Variants in SPECC1L observed in about 807,000 individuals in gnomAD.
SPECC1L encodes sperm antigen with calponin homology and coiled-coil domains 1 like.
A neutral mutation model predicts 116.8 loss-of-function variants in SPECC1L; 40 were observed. The observed-to-expected ratio is 0.34, with a 90% CI of 0.27 to 0.45. The LOEUF (loss-of-function observed/expected upper bound fraction) is 0.45, where lower values mean the gene tolerates loss of function less well. Ranked by LOEUF, SPECC1L falls within the 20% of genes least tolerant of loss-of-function variation. The pLI is 1.00. For synonymous variants in SPECC1L, 504 were observed against 500.6 expected (o/e 1.01, Z -0.09); for missense variants, 1,110 against 1,373.6 (o/e 0.81, Z 3.03).
At chr22:24,391,144 G>A (rs1363851605) in intron 14 of SPECC1L, among the ~76,000 whole-genome samples, 2 of 151,772 alleles carry the variant, frequency 1.3e-5, no homozygotes, top group African/African-American at 4.8e-5. Flanking sequence ...CAAAGTGCTG[G>A]GATTACGGGT....
intron 12 of SPECC1L, among the ~76,000 whole-genome samples, chr22:24,363,651 T>C (rs1461886337): frequency 6.6e-6 from 1 of 152,230 alleles, no homozygotes; most frequent in Non-Finnish European, 1.5e-5. Context: ...TATAAAGTTC[T>C]GAGAGGTTTT....
chr22:24,305,453 C>A (rs2049473595), intron 3 of SPECC1L, among the ~76,000 whole-genome samples: 1 of 152,132 alleles, frequency 6.6e-6, no homozygotes, highest in Non-Finnish European at 1.5e-5. Context: ...TTATGTGTGT[C>A]TGGTTTCTTA....
At chr22:24,329,302 C>T (rs2040891458) in intron 7 of SPECC1L, among the ~76,000 whole-genome samples, 2 of 152,160 alleles carry the variant, frequency 1.3e-5, no homozygotes, top group Admixed American at 1.3e-4. Context: ...AATCTTAAAT[C>T]TGAAATGCTT....
At chr22:24,377,609 G>A (rs189465092) in intron 14 of SPECC1L, among the ~76,000 whole-genome samples, 1 of 152,244 alleles carries the variant, frequency 6.6e-6, no homozygotes, top group East Asian at 1.9e-4. Flanking sequence ...GGCTTGAAGA[G>A]GCAAGACCCC....
rs536506647 is a variant in SPECC1L at position 24,394,719 on chromosome 22, CG to C, written c.3088-16867del. Among the ~76,000 whole-genome samples, 13 of 152,310 alleles carry C rather than the reference CG, an allele frequency of 8.5e-5. No homozygotes were observed. In the East Asian group the frequency reaches 2.5e-3, roughly 29 times the overall value. ...ACCATGTGGTCAGCCTCTAGACATT[CG>C]GAACGTGTAGTGCTGTTTCCTGGTT... On this transcript the variant is annotated intron_variant, in intron 14 of 16. Transcript: ENST00000314328.
intron 14 of SPECC1L, among the ~76,000 whole-genome samples, chr22:24,394,541 G>A (rs1004235846): frequency 1.3e-5 from 2 of 152,168 alleles, no homozygotes; most frequent in African/African-American, 4.8e-5. Flanking sequence ...ATATGCATAA[G>A]GACATCTGAA....
chr22:24,299,938 G>C (rs1312843198), intron 2 of SPECC1L, among the ~76,000 whole-genome samples: 1 of 151,984 alleles, frequency 6.6e-6, no homozygotes, highest in Non-Finnish European at 1.5e-5. Context: ...TATCTCTATA[G>C]ATTTGTTTCT....
intron 4 of SPECC1L, among the ~76,000 whole-genome samples, chr22:24,317,268 C>A (rs1263386483): frequency 4.3e-4 from 51 of 119,818 alleles, no homozygotes; most frequent in East Asian, 1.1e-3. Context: ...GGGGCTGACC[C>A]CCCCCACCTC....
At chr22:24,359,811 T>G (rs763845902) in intron 11 of SPECC1L, among the ~76,000 whole-genome samples, 6 of 152,222 alleles carry the variant, frequency 3.9e-5, no homozygotes, top group Non-Finnish European at 8.8e-5. Context: ...CTATTAATTA[T>G]CCTTCTAATC....
chr22:24,405,316 CTCCA>C (rs1291117744), intron 14 of SPECC1L, among the ~76,000 whole-genome samples: 80 of 152,242 alleles, frequency 5.3e-4, no homozygotes, highest in South Asian at 1.2e-3. Flanking sequence ...CGTGGTATTG[CTCCA>C]TGTGCAGCAA....
At chr22:24,379,586 T>G (rs2042027690) in intron 14 of SPECC1L, among the ~76,000 whole-genome samples, 1 of 152,164 alleles carries the variant, frequency 6.6e-6, no homozygotes, top group Non-Finnish European at 1.5e-5. Context: ...ACTTGGTACT[T>G]AAAATGCAGG....
chr22:24,365,708 AATG>A, intron 13 of SPECC1L, 76 bp downstream of exon 13: 1 of 1,538,522 alleles, frequency 6.5e-7, no homozygotes, highest in Non-Finnish European at 9.0e-7. Context: ...CAAGTTGTAA[AATG>A]ATGGCATTTG....
intron 14 of SPECC1L, among the ~76,000 whole-genome samples, chr22:24,371,201 A>C (rs2041864476): frequency 6.6e-6 from 1 of 152,218 alleles, no homozygotes; most frequent in African/African-American, 2.4e-5. Context: ...AGACCTAAAG[A>C]CATTATACAA....
At chr22:24,274,152 G>A (rs2048786341) in intron 1 of SPECC1L, among the ~76,000 whole-genome samples, 1 of 152,198 alleles carries the variant, frequency 6.6e-6, no homozygotes, top group African/African-American at 2.4e-5. Flanking sequence ...GACTAGATGC[G>A]AGGTAAAGAA....
chr22:24,407,438 G>T lies in SPECC1L; in HGVS notation c.3088-4150G>T, dbSNP rs954063898. Among the ~76,000 whole-genome samples the T allele has an allele frequency of 2.6e-5, 4 of 152,206 alleles. No homozygotes were observed. The East Asian group carries it at 7.7e-4, about 29-fold the overall frequency. On this transcript the variant is annotated intron_variant, in intron 14 of 16. Coordinates refer to ENST00000314328, the MANE Select transcript of SPECC1L (RefSeq NM_015330.6). ...AGGCTGGGGTTCCCACAGCCAGGCG[G>T]ATGGGACACAGGAGCCTCTGCCTCG...
At chr22:24,341,013 G>T (rs928854680) in intron 10 of SPECC1L, among the ~76,000 whole-genome samples, 1 of 152,082 alleles carries the variant, frequency 6.6e-6, no homozygotes, top group Non-Finnish European at 1.5e-5. Flanking sequence ...TTAAAATGAG[G>T]TAAGTCCTAC....
intron 1 of SPECC1L, among the ~76,000 whole-genome samples, chr22:24,275,991 G>A (rs1169303395): frequency 6.6e-6 from 1 of 152,132 alleles, no homozygotes; most frequent in Non-Finnish European, 1.5e-5. Context: ...GGGATTACAG[G>A]TGTGACCCAT....
chr22:24,328,146 G>A (rs1358693968), intron 6 of SPECC1L, among the ~76,000 whole-genome samples: 2 of 152,052 alleles, frequency 1.3e-5, no homozygotes, highest in African/African-American at 2.4e-5. Context: ...TTCCCTTTAC[G>A]TTTCTGGTTC....
chr22:24,351,173 C>G (rs2041414074), intron 11 of SPECC1L, among the ~76,000 whole-genome samples: 1 of 152,190 alleles, frequency 6.6e-6, no homozygotes, highest in South Asian at 2.1e-4. Flanking sequence ...TGGTGTGTCT[C>G]AAGCTTACCT....
Sources: gnomAD v4.1 joint callset for allele counts (sites outside exome capture counted in the v4.1 genomes callset) on GRCh38, gnomAD v4.1.1 for gene constraint, MANE v1.5 for transcripts, NCBI Gene and HGNC (gene_info 2026-07-23, HGNC 2026-07-21) for gene names.